The following ILF2 variants were observed in gnomAD, a reference collection of about 807,000 sequenced individuals.
ILF2 encodes the protein interleukin enhancer-binding factor 2.
ILF2 carries 9 observed loss-of-function variants against 55.3 expected under a neutral mutation model. The observed-to-expected ratio is 0.16, with a 90% confidence interval of 0.10 to 0.28. The LOEUF (loss-of-function observed/expected upper bound fraction) is 0.28, where lower values mean the gene tolerates loss of function less well. Among genes scored for constraint, ILF2 ranks in the 10% least tolerant of loss-of-function variants. The pLI is 1.00. For missense variants in ILF2, 266 were observed against 474.9 expected, an observed-to-expected ratio of 0.56 and a Z score of 4.09; for synonymous variants, 151 against 161.8, an observed-to-expected ratio of 0.93 and a Z score of 0.50.
chr1:153,665,496 CCCTTGAACA>C (rs1413263991), intron 7 of ILF2, 158 bp downstream of exon 7: 21 of 762,656 alleles, frequency 2.8e-5, no homozygotes, highest in East Asian at 1.8e-4. Flanking sequence ...AAACAGATCT[CCCTTGAACA>C]CCTTGAACAC....
Position 153,663,433 on chromosome 1 carries a change from A to G in ILF2, c.745-157T>C, listed in dbSNP as rs12087451. On this transcript the variant is annotated intron_variant, in intron 10 of 13. Coordinates refer to ENST00000361891, the MANE Select transcript of ILF2 (RefSeq NM_004515.4). ...AACCGCGAACTCCTGGGCTCAAGCA[A>G]CCCTCCTGACTCAGCCTCCTGAGAA... is the stretch of plus-strand genomic sequence containing the variant. Among the ~76,000 whole-genome samples the G allele has an allele frequency of 8.9e-3, 1,358 of 151,890 alleles. 24 individuals are homozygous for G. The highest frequency in any genetic ancestry group is 0.029 in the African/African-American group (1,201 of 41,396).
chr1:153,665,310 C>A lies in ILF2; in HGVS notation c.487G>T (p.Gly163Cys). ...EVLTMLTNET[G>C]FEISSSDATV... ...GCATCAGAAGAACTGATTTCAAAGC[C>A]AGTTTCGTTGGTCAGCATGGTTAAA... The change falls in exon 8 of 14, where the codon GGC becomes TGC. Residue 163 changes from glycine to cysteine, a missense_variant. Transcript: ENST00000361891. The A allele has an allele frequency of 6.2e-7, 1 of 1,612,904 alleles. No individual in the cohort carries two copies. Among genetic ancestry groups the A allele is most frequent in the Non-Finnish European group, 8.5e-7 (1 of 1,178,902 alleles).
In ILF2 at chr1:153,670,974, A is replaced by C. The variant is rs186404654; in HGVS notation, c.-52T>G. 6.1e-5 allele frequency: 98 copies of C among 1,613,106 alleles called. No homozygotes were observed. The African/African-American group carries it at 1.1e-3, about 18-fold the overall frequency. The stretch of plus-strand genomic sequence containing the variant: ...GCCGCACCAACCGCCCCTTCCTCTG[A>C]GTAGCAGACAACTGAAGAGGCGTCT... On this transcript the variant is annotated 5_prime_UTR_variant, in exon 1 of 14. Coordinates refer to ENST00000361891, the MANE Select transcript of ILF2 (RefSeq NM_004515.4).
chr1:153,666,444 G>A (rs1343999693), intron 6 of ILF2, among the ~76,000 whole-genome samples: 6 of 152,076 alleles, frequency 3.9e-5, no homozygotes, highest in Non-Finnish European at 1.5e-5. Flanking sequence ...GGGATTACAG[G>A]CGTGAGCCAC....
intron 6 of ILF2, among the ~76,000 whole-genome samples, chr1:153,666,804 G>A (rs761031184): frequency 1.3e-5 from 2 of 152,172 alleles, no homozygotes; most frequent in Admixed American, 1.3e-4. Flanking sequence ...ACACTCCAGC[G>A]TTTGTCCCTT....
At chr1:153,664,006 G>T in intron 10 of ILF2, 37 bp downstream of exon 10, 6 of 1,120,532 alleles carry the variant, frequency 5.4e-6, no homozygotes, top group Admixed American at 1.8e-5. Flanking sequence ...TAGTAAATAA[G>T]GATGATGAGG....
intron 4 of ILF2, 58 bp downstream of exon 4, chr1:153,668,395 T>C: frequency 6.3e-7 from 1 of 1,599,982 alleles, no homozygotes. Flanking sequence ...CAGTTACTCT[T>C]TACCAATACT....
intron 5 of ILF2, among the ~76,000 whole-genome samples, 157 bp downstream of exon 5, chr1:153,667,843 G>A (rs1194990649): frequency 6.6e-6 from 1 of 152,122 alleles, no homozygotes; most frequent in African/African-American, 2.4e-5. Flanking sequence ...TACAAGTCTT[G>A]TCCCCAAGAT....
In ILF2 at chr1:153,668,508, A is replaced by G; in HGVS notation, c.158T>C (p.Phe53Ser). The change falls in exon 4 of 14, where the codon TTC becomes TCC. Residue 53 changes from phenylalanine to serine, a missense_variant. Physicochemically the swap from Phe to Ser is radical, Grantham distance 155. Coordinates refer to ENST00000361891, the MANE Select transcript of ILF2 (RefSeq NM_004515.4). Reference sequence around the variant, plus strand: ...ATTCCTCTTCAGCAAGGCCTCACTGAAGGAAGTTTCATCAGGTGCTGGCTT... The same window carrying G: ...ATTCCTCTTCAGCAAGGCCTCACTGGAGGAAGTTTCATCAGGTGCTGGCTT... ...RVKPAPDETS[F>S]SEALLKRNQD... 6.2e-7 allele frequency: 1 copy of G among 1,614,180 alleles called. No individual in the cohort carries two copies. The highest frequency in any genetic ancestry group is 8.5e-7 in the Non-Finnish European group (1 of 1,180,016).
intron 13 of ILF2, 38 bp downstream of exon 13, chr1:153,662,659 GTACCAGAT>G (rs1400219150): frequency 6.3e-7 from 1 of 1,585,910 alleles, no homozygotes; most frequent in South Asian, 1.1e-5. Flanking sequence ...CAGCTTCTCT[GTACCAGAT>G]TACAATACAA....
At chr1:153,664,870 C>CT (rs1669269692) in intron 8 of ILF2, among the ~76,000 whole-genome samples, 1 of 152,190 alleles carries the variant, frequency 6.6e-6, no homozygotes, top group Non-Finnish European at 1.5e-5. Flanking sequence ...CTCTGCAATT[C>CT]TTTAAGCCAC....
chr1:153,667,279 A>G, intron 6 of ILF2: 1 of 496,012 alleles, frequency 2.0e-6, no homozygotes, highest in Non-Finnish European at 3.6e-6. Context: ...GGAGTTTGAG[A>G]CCAGCCCGAG....
At chr1:153,663,712 C>T (rs1669233048) in intron 10 of ILF2, among the ~76,000 whole-genome samples, 1 of 151,370 alleles carries the variant, frequency 6.6e-6, no homozygotes, top group South Asian at 2.1e-4. Context: ...AATGGCTGCT[C>T]ACTCATTTCT....
At chr1:153,664,708 C>T (rs568783806) in intron 8 of ILF2, among the ~76,000 whole-genome samples, 2 of 152,124 alleles carry the variant, frequency 1.3e-5, no homozygotes, top group Admixed American at 6.5e-5. Context: ...TACAGGTAAC[C>T]GCCATCATGC....
At chr1:153,665,430 A>T in intron 7 of ILF2, 94 bp from the exon 8 acceptor site, 1 of 863,396 alleles carries the variant, frequency 1.2e-6, no homozygotes, top group Non-Finnish European at 2.0e-6. Flanking sequence ...GGATTTTTTA[A>T]AACAGCACAA....
Position 153,663,097 on chromosome 1 carries a change from C to G in ILF2, c.843G>C (p.Leu281=). 6.2e-7 allele frequency: 1 copy of G among 1,614,178 alleles called. No individual in the cohort carries two copies. Among genetic ancestry groups the G allele is most frequent in the Non-Finnish European group, 8.5e-7 (1 of 1,180,038 alleles). The part of the protein sequence containing the change: ...CLQILAAGLF[L]PGSVGITDPC... ...GGTCAGTGATACCCACTGAACCTGG[C>G]AGGAACAGTCCTGCAGCCAGAATCT... The change falls in exon 12 of 14, where the codon CTG becomes CTC. Residue 281 remains leucine (L), a synonymous_variant. Transcript: ENST00000361891.
At position 153,668,437 on chromosome 1, in the gene ILF2, A is replaced by G; in HGVS notation, c.213+16T>C. On this transcript the variant is annotated intron_variant, in intron 4 of 13. Coordinates refer to ENST00000361891, the MANE Select transcript of ILF2 (RefSeq NM_004515.4). ...TGCTTTAGAGACATTTCTGGAAGAC[A>G]GCCAAAAGAACATACCTGTTCAGCA... The G allele has an allele frequency of 6.2e-7, 1 of 1,614,122 alleles. No homozygotes were observed. The highest frequency in any genetic ancestry group is 1.7e-5 in the Admixed American group (1 of 60,000).
In ILF2 at chr1:153,664,608, T is replaced by C. The variant is rs932510704; in HGVS notation, c.578-134A>G. 1.7e-5 allele frequency: 12 copies of C among 721,198 alleles called. No homozygotes were observed. In the African/African-American group the frequency reaches 1.9e-4, roughly 11 times the overall value. The allele number at this position is 721,198 out of a possible 1,614,324, so 44.7% of individuals were successfully genotyped here. A position where few individuals can be genotyped will look rare whatever the true frequency, so the allele number is the denominator to read the frequency against. On this transcript the variant is annotated intron_variant, in intron 8 of 13. Coordinates refer to ENST00000361891, the MANE Select transcript of ILF2 (RefSeq NM_004515.4). ...TCTCGCTCTGTTGTCCAGGCTGGAT[T>C]GCGTACAGTGGCGTGATCTCAGCTC... is the stretch of plus-strand genomic sequence containing the variant.
chr1:153,665,428 T>C, intron 7 of ILF2, 92 bp from the exon 8 acceptor site: 1 of 872,964 alleles, frequency 1.1e-6, no homozygotes, highest in Non-Finnish European at 1.9e-6. Context: ...GTGGATTTTT[T>C]AAAACAGCAC....
Sources: allele counts gnomAD v4.1 joint callset (sites outside exome capture counted in the v4.1 genomes callset), GRCh38; gene constraint gnomAD v4.1.1; transcripts MANE v1.5; gene names NCBI Gene and HGNC (gene_info 2026-07-23, HGNC 2026-07-21).